Variants in SLC18B1 observed in about 807,000 individuals in gnomAD.
SLC18B1 encodes the protein MFS-type transporter SLC18B1.
SLC18B1 carries 62 observed loss-of-function variants against 53.9 expected under a neutral mutation model. The observed-to-expected ratio is 1.15, with a 90% CI of 0.94 to 1.42. The LOEUF (loss-of-function observed/expected upper bound fraction) is 1.42, where lower values mean the gene tolerates loss of function less well. Among genes scored for constraint, SLC18B1 ranks in the 40% most tolerant of loss-of-function variants. The pLI is 0.00. For synonymous variants in SLC18B1, 217 were observed against 200.9 expected (o/e 1.08, Z -0.68); for missense variants, 598 against 547.3 (o/e 1.09, Z -0.93).
At chr6:132,795,120 T>A (rs1250892607) in intron 2 of SLC18B1, among the ~76,000 whole-genome samples, 1 of 150,892 alleles carries the variant, frequency 6.6e-6, no homozygotes, top group Non-Finnish European at 1.5e-5. Flanking sequence ...TAGGCTCTCA[T>A]AACATTAGTA....
chr6:132,784,756 ATG>A (rs1781326885), intron 5 of SLC18B1, among the ~76,000 whole-genome samples: 1 of 152,246 alleles, frequency 6.6e-6, no homozygotes, highest in African/African-American at 2.4e-5. Context: ...ATGACATGGT[ATG>A]TATACAAGCT....
In SLC18B1 at chr6:132,772,151, TA is replaced by T; in HGVS notation, c.1140del (p.Phe380LeufsTer37). Reference sequence around the variant, plus strand: ...ACTCACCCAATTGACCACATTGCACTAAAAAGACCTGATACAAGTCCCAATG... The same window carrying T: ...ACTCACCCAATTGACCACATTGCACTAAAAGACCTGATACAAGTCCCAATG... ...LSTLGLVSGL[F>X]SAMWSIGAFM... On this transcript the variant is annotated frameshift_variant, in exon 11 of 14. Coordinates refer to ENST00000275227, the MANE Select transcript of SLC18B1 (RefSeq NM_052831.3). LOFTEE classifies it high-confidence loss of function. 1.9e-6 allele frequency: 3 copies of T among 1,574,524 alleles called. No homozygotes were observed. Among genetic ancestry groups the T allele is most frequent in the East Asian group, 2.3e-5 (1 of 42,844 alleles).
chr6:132,770,997 AAAT>A, intron 12 of SLC18B1, 36 bp downstream of exon 12: 1 of 1,610,256 alleles, frequency 6.2e-7, no homozygotes, highest in Non-Finnish European at 8.5e-7. Context: ...GTTTTTCCAC[AAAT>A]ATAAGGAAAA....
chr6:132,790,242 TA>T lies in SLC18B1; in HGVS notation c.213del (p.Ile72SerfsTer3). On this transcript the variant is annotated frameshift_variant, in exon 3 of 14. Coordinates refer to ENST00000275227, the MANE Select transcript of SLC18B1 (RefSeq NM_052831.3). LOFTEE classifies it high-confidence loss of function. Reference sequence around the variant, plus strand: ...GCAAAACATCCAAAGATCATACCGATAATTGTATTGCTGGCTCCCTTCTTTT... The same window carrying T: ...GCAAAACATCCAAAGATCATACCGATATTGTATTGCTGGCTCCCTTCTTTT... Reference protein sequence around the residue: ...EAEKKGASNTIIGMIFGCFAL... With the variant: ...EAEKKGASNTXIGMIFGCFAL... 1 of 1,572,826 alleles carries T rather than the reference TA, an allele frequency of 6.4e-7. No individual in the cohort carries two copies. Among genetic ancestry groups the T allele is most frequent in the Non-Finnish European group, 8.6e-7 (1 of 1,157,036 alleles).
Position 132,770,469 on chromosome 6 carries a change from C to T in SLC18B1, c.1305-133G>A, listed in dbSNP as rs746975650. On this transcript the variant is annotated intron_variant, in intron 13 of 13. Transcript: ENST00000275227. ...AGTTTCTACTGCCCGGGCATGGTGG[C>T]TCACGCCTGTAATCCCAGCATTTTG... 5.5e-6 allele frequency: 4 copies of T among 729,502 alleles called. No homozygotes were observed. The Admixed American group carries it at 7.4e-5, about 13-fold the overall frequency. The allele number at this position is 729,502 out of a possible 1,614,324, so 45.2% of individuals were successfully genotyped here. A position where few individuals can be genotyped will look rare whatever the true frequency, so the allele number is the denominator to read the frequency against.
intron 2 of SLC18B1, among the ~76,000 whole-genome samples, chr6:132,794,565 T>C (rs920692614): frequency 2.6e-5 from 4 of 152,130 alleles, no homozygotes; most frequent in Non-Finnish European, 5.9e-5. Flanking sequence ...CTATTAGACC[T>C]CACTTCACCC....
chr6:132,796,870 C>T (rs1010123529), intron 2 of SLC18B1, 112 bp downstream of exon 2: 2 of 1,159,484 alleles, frequency 1.7e-6, no homozygotes, highest in East Asian at 2.6e-5. Context: ...CACCATCTGT[C>T]CTATATGCAG....
intron 6 of SLC18B1, among the ~76,000 whole-genome samples, 177 bp from the exon 7 acceptor site, chr6:132,779,581 G>A (rs1428607344): frequency 6.6e-6 from 1 of 152,046 alleles, no homozygotes; most frequent in Non-Finnish European, 1.5e-5. Flanking sequence ...CAAACCTAGA[G>A]GCCACATTCA....
chr6:132,797,253 G>A, intron 1 of SLC18B1, 132 bp from the exon 2 acceptor site: 1 of 1,096,066 alleles, frequency 9.1e-7, no homozygotes, highest in East Asian at 2.5e-5. Context: ...TTTGAATATA[G>A]CACATTTGAT....
chr6:132,792,296 G>GAAAGAAAGAAAGAAAGAAAGAAAGA (rs1562271515), intron 2 of SLC18B1, among the ~76,000 whole-genome samples: 1 of 29,598 alleles, frequency 3.4e-5, no homozygotes, highest in African/African-American at 1.9e-4. Context: ...AGAAAGGAAG[G>GAAAGAAAGAAAGAAAGAAAGAAAGA]AAGGAAGGAA....
At chr6:132,788,618 C>T (rs111436760) in intron 4 of SLC18B1, among the ~76,000 whole-genome samples, 2 of 151,796 alleles carry the variant, frequency 1.3e-5, no homozygotes, top group African/African-American at 2.4e-5. Flanking sequence ...GTCAGGAGTT[C>T]GAGACCAGCC....
intron 2 of SLC18B1, among the ~76,000 whole-genome samples, chr6:132,790,840 A>G (rs1398833460): frequency 1.3e-5 from 2 of 152,114 alleles, no homozygotes; most frequent in African/African-American, 4.8e-5. Context: ...CAGGTGAGAG[A>G]TGCTCCCCTG....
chr6:132,769,960 G>A lies in SLC18B1; in HGVS notation c.*310C>T, dbSNP rs1301220592. ...AAACAGAGGAAATAAGAACTAACTC[G>A]AGTTAATAACAACATCTTTAAGGAC... On this transcript the variant is annotated 3_prime_UTR_variant, in exon 14 of 14. Coordinates refer to ENST00000275227, the MANE Select transcript of SLC18B1 (RefSeq NM_052831.3). 2 of 204,886 alleles carry A rather than the reference G, an allele frequency of 9.8e-6. No homozygotes were observed. The highest frequency in any genetic ancestry group is 2.0e-5 in the Non-Finnish European group (2 of 102,450). The allele number at this position is 204,886 out of a possible 1,614,324, so 12.7% of individuals were successfully genotyped here. A position where few individuals can be genotyped will look rare whatever the true frequency, so the allele number is the denominator to read the frequency against.
At chr6:132,790,309 A>C in intron 2 of SLC18B1, 37 bp from the exon 3 acceptor site, 1 of 1,430,062 alleles carries the variant, frequency 7.0e-7, no homozygotes, top group South Asian at 1.3e-5. Context: ...GTTTCAAAGA[A>C]AAATTAGATC....
intron 6 of SLC18B1, among the ~76,000 whole-genome samples, 195 bp from the exon 7 acceptor site, chr6:132,779,599 A>G (rs1326496302): frequency 3.9e-5 from 6 of 152,192 alleles, no homozygotes; most frequent in Admixed American, 6.5e-5. Flanking sequence ...TCAATTTATT[A>G]AAAACAATTT....
chr6:132,782,446 C>T (rs922039962), intron 6 of SLC18B1, among the ~76,000 whole-genome samples: 4 of 152,018 alleles, frequency 2.6e-5, no homozygotes, highest in Admixed American at 2.6e-4. Context: ...TTTCAAGTGT[C>T]CAATATGTTG....
rs1054981315 is a variant in SLC18B1, at chr6:132,787,662, A to C, written c.354-81T>G. Reference sequence around the variant, plus strand: ...TCCTTTTTAACTGTACTCACTAAAAAGAATAGTACCTCACTCATGGTTTTT... The same window carrying C: ...TCCTTTTTAACTGTACTCACTAAAACGAATAGTACCTCACTCATGGTTTTT... On this transcript the variant is annotated intron_variant, in intron 4 of 13. Transcript: ENST00000275227. The C allele has an allele frequency of 4.0e-6, 5 of 1,243,164 alleles. No homozygotes were observed. In the African/African-American group the frequency reaches 7.9e-5, roughly 20 times the overall value. 77.0% of individuals were successfully genotyped at this position (1,243,164 alleles called of 1,614,324 possible). A position where few individuals can be genotyped will look rare whatever the true frequency, so the allele number is the denominator to read the frequency against.
chr6:132,774,162 A>T (rs1436968784), intron 9 of SLC18B1, 60 bp downstream of exon 9: 1 of 1,341,702 alleles, frequency 7.5e-7, no homozygotes, highest in Non-Finnish European at 1.0e-6. Flanking sequence ...TTAAAACAAA[A>T]TTTTTCGAAA....
At position 132,774,274 on chromosome 6, in the gene SLC18B1, T is replaced by C; in HGVS notation, c.937A>G (p.Thr313Ala). Reference protein sequence around the residue: ...KWLLVFGNLITAGCYMLLGPV... With the variant: ...KWLLVFGNLIAAGCYMLLGPV... Reference sequence around the variant, plus strand: ...CCTAAGAGCATGTAGCACCCGGCTGTGATTAAGTTGCCAAACACCAGAAGC... The same window carrying C: ...CCTAAGAGCATGTAGCACCCGGCTGCGATTAAGTTGCCAAACACCAGAAGC... The change falls in exon 9 of 14, where the codon ACA becomes GCA. Residue 313 changes from threonine (T) to alanine (A), a missense_variant. Coordinates refer to ENST00000275227, the MANE Select transcript of SLC18B1 (RefSeq NM_052831.3). The C allele has an allele frequency of 3.1e-6, 5 of 1,613,602 alleles. No individual in the cohort carries two copies. The highest frequency in any genetic ancestry group is 4.2e-6 in the Non-Finnish European group (5 of 1,179,708).
Sources: gnomAD v4.1 joint callset for allele counts (sites outside exome capture counted in the v4.1 genomes callset) on GRCh38, gnomAD v4.1.1 for gene constraint, MANE v1.5 for transcripts, NCBI Gene and HGNC (gene_info 2026-07-23, HGNC 2026-07-21) for gene names.